SPOCK3: variants seen among roughly 807,000 people sequenced by gnomAD.
SPOCK3 encodes the protein testican-3.
SPOCK3 carries 30 observed loss-of-function variants against 56.6 expected under a neutral mutation model. The ratio of observed to expected loss-of-function variants is 0.53; its 90% CI spans 0.40 to 0.72. The LOEUF is 0.72. Ranked by LOEUF, SPOCK3 falls within the 30% of genes least tolerant of loss-of-function variation. SPOCK3 has a pLI of 0.00. For synonymous variants in SPOCK3, 196 were observed against 183.3 expected, an observed-to-expected ratio of 1.07 and a Z score of -0.56; for missense variants, 527 against 530.0, an observed-to-expected ratio of 0.99 and a Z score of 0.06.
chr4:167,215,705 T>C (rs1253892794), intron 2 of SPOCK3, among the ~76,000 whole-genome samples: 1 of 152,124 alleles, frequency 6.6e-6, no homozygotes, highest in Non-Finnish European at 1.5e-5. Flanking sequence ...ATAGGAAATG[T>C]GGATGTTGTT....
At chr4:166,858,736 C>T (rs987496906) in intron 6 of SPOCK3, among the ~76,000 whole-genome samples, 4 of 152,116 alleles carry the variant, frequency 2.6e-5, no homozygotes. Flanking sequence ...GGAGGACTAT[C>T]AGCTGAGGTA....
At chr4:167,145,764 GAT>G (rs1215945590) in intron 2 of SPOCK3, among the ~76,000 whole-genome samples, 1 of 152,134 alleles carries the variant, frequency 6.6e-6, no homozygotes, top group Non-Finnish European at 1.5e-5. Flanking sequence ...AATGCTGAGA[GAT>G]TTTTGTCACC....
intron 4 of SPOCK3, among the ~76,000 whole-genome samples, chr4:166,983,064 G>A (rs79999924): frequency 0.11 from 16,332 of 152,038 alleles, 1,101 homozygotes; most frequent in Middle Eastern, 0.23. Context: ...TATATAAAAT[G>A]TATTTGCATT....
chr4:166,891,578 AT>A (rs1734791394), intron 5 of SPOCK3, among the ~76,000 whole-genome samples: 1 of 151,982 alleles, frequency 6.6e-6, no homozygotes, highest in South Asian at 2.1e-4. Flanking sequence ...TGCTTCAAAA[AT>A]TGAAAAAAAA....
intron 2 of SPOCK3, among the ~76,000 whole-genome samples, chr4:167,199,147 A>G (rs1733252815): frequency 6.6e-6 from 1 of 152,102 alleles, no homozygotes; most frequent in East Asian, 1.9e-4. Context: ...TAATACATAA[A>G]GTCACAGAAA....
intron 2 of SPOCK3, among the ~76,000 whole-genome samples, chr4:167,186,065 G>A (rs957821865): frequency 1.3e-5 from 2 of 152,078 alleles, no homozygotes; most frequent in Non-Finnish European, 1.5e-5. Flanking sequence ...ATTGGAAAGA[G>A]GACAGAGATG....
chr4:166,937,421 T>C (rs1740538626), intron 4 of SPOCK3, among the ~76,000 whole-genome samples: 3 of 149,304 alleles, frequency 2.0e-5, no homozygotes, highest in South Asian at 4.2e-4. Context: ...ATAATTATAA[T>C]TTATGATTAT....
rs1734065410 is a variant in SPOCK3, at chr4:166,734,946, C to T, written c.1277G>A (p.Gly426Asp). 1.3e-6 allele frequency: 2 copies of T among 1,547,004 alleles called. No homozygotes were observed. The highest frequency in any genetic ancestry group is 1.8e-6 in the Non-Finnish European group (2 of 1,121,728). Residue 426 changes from glycine (G) to aspartate (D), a missense_variant, in exon 11 of 11, where the codon GGT becomes GAT. Coordinates refer to ENST00000357545, the MANE Select transcript of SPOCK3 (RefSeq NM_001040159.2). ...DEDEGDDDDG[G>D]DDHDVYI ...TCAAATGTATACATCATGGTCATCACCACCATCATCATCATCCCCTTCATC... is the reference window on the plus strand; with the variant it reads ...TCAAATGTATACATCATGGTCATCATCACCATCATCATCATCCCCTTCATC...
At chr4:166,966,972 A>C (rs1446943995) in intron 4 of SPOCK3, among the ~76,000 whole-genome samples, 1 of 152,128 alleles carries the variant, frequency 6.6e-6, no homozygotes, top group Non-Finnish European at 1.5e-5. Flanking sequence ...TATACCTACC[A>C]GCATCATGCA....
Position 167,010,640 on chromosome 4 carries a change from G to C in SPOCK3, c.236-10177C>G, listed in dbSNP as rs115974759. ...ATTAAATGTATATATAGCACAATTT[G>C]TACATGTTGAAAGAACAACAAAAGG... is the stretch of plus-strand genomic sequence containing the variant. On this transcript the variant is annotated intron_variant, in intron 3 of 10. Coordinates refer to ENST00000357545, the MANE Select transcript of SPOCK3 (RefSeq NM_001040159.2). Among the ~76,000 whole-genome samples, 223 of 151,660 alleles carry C rather than the reference G, an allele frequency of 1.5e-3. 3 individuals carry two copies. Among genetic ancestry groups the C allele is most frequent in the African/African-American group, 5.1e-3 (209 of 41,342 alleles).
intron 5 of SPOCK3, among the ~76,000 whole-genome samples, chr4:166,910,447 C>T (rs1737144168): frequency 6.6e-6 from 1 of 151,716 alleles, no homozygotes; most frequent in South Asian, 2.1e-4. Context: ...TGCCTCACGC[C>T]CAAGGAGAAC....
chr4:166,882,877 CTT>C (rs1271813905), intron 6 of SPOCK3: 3 of 152,228 alleles, frequency 2.0e-5, no homozygotes, highest in African/African-American at 7.2e-5. Context: ...ATGAGTAAAA[CTT>C]AATTTTTATT....
chr4:166,931,233 C>T lies in SPOCK3; in HGVS notation c.351-18490G>A, dbSNP rs185419860. 3.0e-3 allele frequency among the ~76,000 whole-genome samples: 462 copies of T among 152,014 alleles called. 4 individuals are homozygous for T. The highest frequency in any genetic ancestry group is 0.01 in the African/African-American group (419 of 41,462). Reference sequence around the variant, plus strand: ...TTGACTTCAAGTGATCTGCCCACCTCGGCCTCTCAAAGTGCCGGGATTTCA... The same window carrying T: ...TTGACTTCAAGTGATCTGCCCACCTTGGCCTCTCAAAGTGCCGGGATTTCA... On this transcript the variant is annotated intron_variant, in intron 4 of 10. Transcript: ENST00000357545.
At chr4:166,975,903 G>GT (rs199571470) in intron 4 of SPOCK3, among the ~76,000 whole-genome samples, 1,934 of 152,040 alleles carry the variant, frequency 0.013, 20 homozygotes, top group Non-Finnish European at 0.019. Context: ...ACATTTTCTT[G>GT]ATCTGTTCAT....
chr4:167,095,506 A>G (rs1256525480), intron 2 of SPOCK3, among the ~76,000 whole-genome samples: 1 of 152,032 alleles, frequency 6.6e-6, no homozygotes, highest in Non-Finnish European at 1.5e-5. Context: ...TTCAAAATGG[A>G]AACAGTAGAT....
intron 6 of SPOCK3, among the ~76,000 whole-genome samples, chr4:166,837,110 T>A (rs1055577754): frequency 6.6e-6 from 1 of 152,200 alleles, no homozygotes; most frequent in Non-Finnish European, 1.5e-5. Context: ...ACTTTCTCCT[T>A]CCTTATTACA....
chr4:167,068,557 A>T (rs1371219071), intron 2 of SPOCK3, among the ~76,000 whole-genome samples: 3 of 151,804 alleles, frequency 2.0e-5, no homozygotes, highest in African/African-American at 7.2e-5. Flanking sequence ...GGTATATTTT[A>T]GGAAGATTAT....
chr4:166,889,432 G>C (rs1734536982), intron 5 of SPOCK3, among the ~76,000 whole-genome samples, 188 bp from the exon 6 acceptor site: 1 of 151,872 alleles, frequency 6.6e-6, no homozygotes, highest in Admixed American at 6.6e-5. Context: ...TCGTAAAAGA[G>C]GCAGAAATGC....
intron 2 of SPOCK3, among the ~76,000 whole-genome samples, chr4:167,213,613 C>G (rs1489611301): frequency 1.3e-5 from 2 of 151,902 alleles, no homozygotes; most frequent in Non-Finnish European, 2.9e-5. Context: ...ACACTATTAC[C>G]AGAAATATTC....
Sources: gnomAD v4.1 joint callset for allele counts (sites outside exome capture counted in the v4.1 genomes callset) on GRCh38, gnomAD v4.1.1 for gene constraint, MANE v1.5 for transcripts, NCBI Gene and HGNC (gene_info 2026-07-23, HGNC 2026-07-21) for gene names.